Variants in CNTNAP3 observed in about 807,000 individuals in gnomAD.
The protein encoded by CNTNAP3 is contactin-associated protein-like 3.
CNTNAP3 carries 36 observed loss-of-function variants against 92.1 expected under a neutral mutation model. That is an observed-to-expected ratio of 0.39 (90% CI 0.30 to 0.52). The LOEUF (loss-of-function observed/expected upper bound fraction) is 0.52. Ranked by LOEUF, CNTNAP3 falls within the 20% of genes least tolerant of loss-of-function variation. The probability of loss-of-function intolerance (pLI) is 0.76; values close to 1 mark genes in which losing one functional copy is unlikely to be tolerated. For synonymous variants in CNTNAP3, 232 were observed against 422.3 expected, an observed-to-expected ratio of 0.55 and a Z score of 5.53; for missense variants, 534 against 1,069.6, an observed-to-expected ratio of 0.50 and a Z score of 6.98.
rs1317961518 is a variant in CNTNAP3, at chr9:39,100,041, C to A, written c.2865G>T (p.Glu955Asp). ...TGCTGCAGTGTCCTGCACACCCTGG[C>A]TCCACTCCTGGCGTCACTGTGGCTC... The part of the protein sequence containing the change: ...EERATVTPGV[E>D]PGCAGHCSTY... Residue 955 changes from glutamate (E) to aspartate (D), a missense_variant, in exon 18 of 24, where the codon GAG (glutamate) becomes GAT (aspartate). Physicochemically the swap from Glu to Asp is conservative, Grantham distance 45. Coordinates refer to ENST00000297668, the MANE Select transcript of CNTNAP3 (RefSeq NM_033655.5). 1.3e-6 allele frequency: 2 copies of A among 1,585,802 alleles called. No homozygotes were observed. The highest frequency in any genetic ancestry group is 1.1e-5 in the South Asian group (1 of 88,158).
intron 18 of CNTNAP3, among the ~76,000 whole-genome samples, chr9:39,093,736 T>C (rs997341550): frequency 2.6e-5 from 4 of 151,624 alleles, no homozygotes; most frequent in African/African-American, 7.2e-5. Flanking sequence ...TACCATTATA[T>C]GTATATACTA....
rs1825499103 is a variant in CNTNAP3 at position 39,065,872 on chromosome 9, A to C, written c.*8018T>G. Among the ~76,000 whole-genome samples the C allele has an allele frequency of 1.3e-5, 2 of 152,186 alleles. No homozygotes were observed. The highest frequency in any genetic ancestry group is 4.1e-4 in the South Asian group (2 of 4,838). On this transcript the variant is annotated 3_prime_UTR_variant, in exon 24 of 24. Transcript: ENST00000297668. ...ATTCTGAAAAAAATTTACAGCATTC[A>C]AATAAAGTGTTGCAAATATTTTCTC...
rs201329360 is a variant in CNTNAP3, at chr9:39,091,171, C to CTT, written c.2996-2526_2996-2525dup. ...TTCTAATTTGGATGTTTTTCTTCTT[C>CTT]TTTTTTTTTTTTTTTCATTTTCTTG... On this transcript the variant is annotated intron_variant, in intron 18 of 23. Coordinates refer to ENST00000297668, the MANE Select transcript of CNTNAP3 (RefSeq NM_033655.5). 7.0e-3 allele frequency among the ~76,000 whole-genome samples: 899 copies of CTT among 128,546 alleles called. 7 individuals are homozygous for CTT. The highest frequency in any genetic ancestry group is 0.022 in the African/African-American group (796 of 35,402). The allele number at this position is 128,546 out of a possible 152,430, so 84.3% of individuals were successfully genotyped here.
intron 1 of CNTNAP3, 72 bp downstream of exon 1, chr9:39,287,908 C>T: frequency 3.9e-6 from 1 of 257,712 alleles, no homozygotes; most frequent in African/African-American, 4.0e-5. Context: ...CAAATATTAC[C>T]GATAATAAAA....
chr9:39,148,749 T>C (rs2118133655), intron 10 of CNTNAP3, among the ~76,000 whole-genome samples: 1 of 152,214 alleles, frequency 6.6e-6, no homozygotes, highest in Non-Finnish European at 1.5e-5. Flanking sequence ...ATGGTCTCGA[T>C]CTCCTGACCT....
At chr9:39,115,893 C>T (rs1178575668) in intron 14 of CNTNAP3, among the ~76,000 whole-genome samples, 2 of 151,118 alleles carry the variant, frequency 1.3e-5, no homozygotes, top group African/African-American at 4.9e-5. Context: ...CCTAAGCATA[C>T]GTGAAGTCTA....
chr9:39,145,761 A>C (rs1294140146), intron 10 of CNTNAP3, among the ~76,000 whole-genome samples: 1 of 139,378 alleles, frequency 7.2e-6, no homozygotes, highest in African/African-American at 2.6e-5. Context: ...ACAACTTTTC[A>C]AGTATTTCAA....
At chr9:39,117,672 CAG>C (rs1412056367) in intron 14 of CNTNAP3, among the ~76,000 whole-genome samples, 2 of 152,154 alleles carry the variant, frequency 1.3e-5, no homozygotes, top group Non-Finnish European at 2.9e-5. Context: ...CAGGACCTCT[CAG>C]AGTTTCTTGT....
intron 13 of CNTNAP3, among the ~76,000 whole-genome samples, chr9:39,129,454 C>A (rs1170441195): frequency 1.4e-5 from 2 of 146,740 alleles, no homozygotes; most frequent in Non-Finnish European, 3.0e-5. Context: ...AGAATCAACT[C>A]TCACATCTTA....
intron 21 of CNTNAP3, among the ~76,000 whole-genome samples, chr9:39,081,978 T>C (rs1825951537): frequency 6.6e-6 from 1 of 151,178 alleles, no homozygotes; most frequent in Non-Finnish European, 1.5e-5. Context: ...TCTCAGCTAC[T>C]TGGGAGGCTG....
rs528416073 is a variant in CNTNAP3 at position 39,099,997 on chromosome 9, C to T, written c.2909G>A (p.Arg970His). 5.3e-5 allele frequency: 84 copies of T among 1,592,838 alleles called. No homozygotes were observed. In the Middle Eastern group the frequency reaches 9.1e-4, roughly 17 times the overall value. Residue 970 changes from arginine (R) to histidine (H), a missense_variant, in exon 18 of 24, where the codon CGC becomes CAC. By Grantham distance (29) the Arg-to-His change is conservative. Coordinates refer to ENST00000297668, the MANE Select transcript of CNTNAP3 (RefSeq NM_033655.5). ...TTTCTCTCTGCATCTCCCTCCATTG[C>T]GACACAAGTGTCCATAGGTGCTGCA... is the stretch of plus-strand genomic sequence containing the variant. ...GHCSTYGHLC[R>H]NGGRCREKRR...
In CNTNAP3 at chr9:39,071,771, C is replaced by G. The variant is rs1446374684; in HGVS notation, c.*2119G>C. Among the ~76,000 whole-genome samples the G allele has an allele frequency of 7.1e-6, 1 of 140,162 alleles. No individual in the cohort carries two copies. Among genetic ancestry groups the G allele is most frequent in the Non-Finnish European group, 1.5e-5 (1 of 65,702 alleles). The allele number at this position is 140,162 out of a possible 152,430, so 92.0% of individuals were successfully genotyped here. Reference sequence around the variant, plus strand: ...CATCTAGCAATCAGTAAATATTTATCTCTTTTTCTTGCACTTTGCATTTAA... The same window carrying G: ...CATCTAGCAATCAGTAAATATTTATGTCTTTTTCTTGCACTTTGCATTTAA... On this transcript the variant is annotated 3_prime_UTR_variant, in exon 24 of 24. Coordinates refer to ENST00000297668, the MANE Select transcript of CNTNAP3 (RefSeq NM_033655.5).
chr9:39,095,806 C>T (rs1826311517), intron 18 of CNTNAP3, among the ~76,000 whole-genome samples: 1 of 147,988 alleles, frequency 6.8e-6, no homozygotes, highest in South Asian at 2.1e-4. Context: ...TAACTTAATA[C>T]AAGTGAGATT....
chr9:39,091,379 T>A (rs1200998499), intron 18 of CNTNAP3, among the ~76,000 whole-genome samples: 1 of 152,130 alleles, frequency 6.6e-6, no homozygotes, highest in Admixed American at 6.5e-5. Context: ...CTATAATTAG[T>A]TTACTGAATT....
chr9:39,104,223 C>G (rs1445013503), intron 15 of CNTNAP3, among the ~76,000 whole-genome samples: 1 of 151,938 alleles, frequency 6.6e-6, no homozygotes, highest in Non-Finnish European at 1.5e-5. Context: ...CTCAAAGGTA[C>G]GACCAACAGA....
intron 12 of CNTNAP3, among the ~76,000 whole-genome samples, chr9:39,135,011 A>C (rs1821396826): frequency 6.6e-6 from 1 of 152,180 alleles, no homozygotes; most frequent in African/African-American, 2.4e-5. Flanking sequence ...CTCAGTACTG[A>C]GAAGGGAACT....
intron 13 of CNTNAP3, among the ~76,000 whole-genome samples, chr9:39,123,114 A>G (rs1425489976): frequency 4.5e-5 from 5 of 110,922 alleles, no homozygotes; most frequent in African/African-American, 2.2e-4. Flanking sequence ...TTTTTTTTTG[A>G]GATGGAGTCT....
chr9:39,143,496 T>TG (rs1362400804), intron 11 of CNTNAP3, among the ~76,000 whole-genome samples: 5 of 152,100 alleles, frequency 3.3e-5, no homozygotes, highest in African/African-American at 1.2e-4. Flanking sequence ...ACAAACTAGC[T>TG]GGGGGCCAAG....
chr9:39,108,562 A>C (rs111696686), intron 15 of CNTNAP3, among the ~76,000 whole-genome samples: 249 of 152,228 alleles, frequency 1.6e-3, no homozygotes, highest in African/African-American at 5.6e-3. Context: ...AACACTATTA[A>C]AATTTTTCTC....
Sources: gnomAD v4.1 joint callset for allele counts (sites outside exome capture counted in the v4.1 genomes callset) on GRCh38, gnomAD v4.1.1 for gene constraint, MANE v1.5 for transcripts, NCBI Gene and HGNC (gene_info 2026-07-23, HGNC 2026-07-21) for gene names.